GPBP1L1: variants seen among roughly 807,000 people sequenced by gnomAD.
The protein encoded by GPBP1L1 is vasculin-like protein 1.
A neutral mutation model predicts 52.5 loss-of-function variants in GPBP1L1; 23 were observed. That is an observed-to-expected ratio of 0.44 (90% CI 0.32 to 0.62). The LOEUF (loss-of-function observed/expected upper bound fraction) is 0.62. Ranked by LOEUF, GPBP1L1 falls within the 20% of genes least tolerant of loss-of-function variation. GPBP1L1 has a pLI of 0.06. For missense variants in GPBP1L1, 596 were observed against 579.3 expected, an observed-to-expected ratio of 1.03 and a Z score of -0.30; for synonymous variants, 243 against 203.1, an observed-to-expected ratio of 1.20 and a Z score of -1.67.
chr1:45,646,429 A>G (rs1478157651), intron 6 of GPBP1L1, among the ~76,000 whole-genome samples: 1 of 152,038 alleles, frequency 6.6e-6, no homozygotes, highest in Non-Finnish European at 1.5e-5. Flanking sequence ...TGGCCAAAGG[A>G]TATCTTTCTT....
At chr1:45,687,547 G>C (rs1000154561), upstream of GPBP1L1, 1 of 152,186 alleles carries the variant, frequency 6.6e-6, no homozygotes, top group Admixed American at 6.5e-5. Context: ...AAATTGCCTG[G>C]TGCCATTTCC....
At chr1:45,649,033 ATAATTTTGTGCAGGAAACAAAAGTT>A (rs2148458679) in intron 6 of GPBP1L1, among the ~76,000 whole-genome samples, 1 of 152,344 alleles carries the variant, frequency 6.6e-6, no homozygotes, top group Non-Finnish European at 1.5e-5. Context: ...TCTGTCTCAA[ATAATTTTGTGCAGGAAACAAAAGTT>A]TTCACTGCGA....
At chr1:45,655,383 A>C in intron 4 of GPBP1L1, 64 bp from the exon 5 acceptor site, 1 of 1,554,042 alleles carries the variant, frequency 6.4e-7, no homozygotes, top group Non-Finnish European at 8.8e-7. Context: ...CAATATCTTA[A>C]TAGGCTTTGC....
rs1029784737 is a variant in GPBP1L1, at chr1:45,630,352, C to T, written c.1169+130G>A. ...GCAACAGGCCAACCTGGGGCATACA[C>T]AGAGAACAAGTTATGACTGGGCCAC... On this transcript the variant is annotated intron_variant, in intron 11 of 12. Coordinates refer to ENST00000355105, the MANE Select transcript of GPBP1L1 (RefSeq NM_021639.5). 7 of 1,086,126 alleles carry T rather than the reference C, an allele frequency of 6.4e-6. No homozygotes were observed. The African/African-American group carries it at 9.4e-5, about 15-fold the overall frequency. The allele number at this position is 1,086,126 out of a possible 1,614,324, so 67.3% of individuals were successfully genotyped here. A position where few individuals can be genotyped will look rare whatever the true frequency, so the allele number is the denominator to read the frequency against.
chr1:45,665,115 C>A (rs984905789), intron 2 of GPBP1L1, among the ~76,000 whole-genome samples: 1 of 151,920 alleles, frequency 6.6e-6, no homozygotes, highest in Non-Finnish European at 1.5e-5. Flanking sequence ...ATGGTGAAAC[C>A]CCCGTCTCTA....
chr1:45,668,388 TCA>T (rs1311682372), intron 2 of GPBP1L1, among the ~76,000 whole-genome samples: 1 of 152,178 alleles, frequency 6.6e-6, no homozygotes, highest in African/African-American at 2.4e-5. Context: ...GTGCAGTGGC[TCA>T]CGCCTGTCAT....
rs6691047 is a variant in GPBP1L1, at chr1:45,634,578, T to C, written c.745-342A>G. 615 of 181,192 alleles carry C rather than the reference T, an allele frequency of 3.4e-3. 5 individuals are homozygous for C. Among genetic ancestry groups the C allele is most frequent in the African/African-American group, 0.013 (577 of 42,742 alleles). 11.2% of individuals were successfully genotyped at this position (181,192 alleles called of 1,614,324 possible). ...AAAGCACTTAACTGCACATAAGAAT[T>C]TGAGAGGCAGTTATGCAGCATTTTC... On this transcript the variant is annotated intron_variant, in intron 8 of 12. Coordinates refer to ENST00000355105, the MANE Select transcript of GPBP1L1 (RefSeq NM_021639.5).
intron 2 of GPBP1L1, among the ~76,000 whole-genome samples, chr1:45,684,255 T>C (rs111466112): frequency 0.028 from 785 of 28,166 alleles, 3 homozygotes; most frequent in Middle Eastern, 0.042. Context: ...CGAAACTCCG[T>C]CTCAAAAAAA....
rs1644863771 is a variant in GPBP1L1 at position 45,654,796 on chromosome 1, T to A, written c.224A>T (p.Asp75Val). The A allele has an allele frequency of 1.2e-6, 2 of 1,613,986 alleles. No homozygotes were observed. Among genetic ancestry groups the A allele is most frequent in the South Asian group, 2.2e-5 (2 of 91,088 alleles). ...SWHQPSLFRH[D>V]SVDSGVSKGA... The stretch of plus-strand genomic sequence containing the variant: ...CTTAGAGACACCAGAGTCCACAGAA[T>A]CATGGCGGAACAGGGAGGGCTGGTG... The change falls in exon 6 of 13, where the codon GAT (aspartate) becomes GTT (valine). Residue 75 changes from aspartate (D) to valine (V), a missense_variant. Coordinates refer to ENST00000355105, the MANE Select transcript of GPBP1L1 (RefSeq NM_021639.5).
Position 45,629,453 on chromosome 1 carries a change from A to ATCC in GPBP1L1, c.1272+120_1272+122dup. ...GCCCCACTACATTTCTACTAAGGTA[A>ATCC]TCCCCCCCCCCCCCACCCGATCTTT... On this transcript the variant is annotated intron_variant, in intron 12 of 12. Transcript: ENST00000355105. The ATCC allele has an allele frequency of 1.7e-4, 16 of 93,616 alleles. 1 individual carries two copies. The highest frequency in any genetic ancestry group is 3.6e-3 in the Middle Eastern group (1 of 274). 5.8% of individuals were successfully genotyped at this position (93,616 alleles called of 1,614,324 possible).
intron 2 of GPBP1L1, among the ~76,000 whole-genome samples, chr1:45,665,822 G>A (rs1344741921): frequency 4.8e-5 from 7 of 146,936 alleles, no homozygotes; most frequent in Admixed American, 6.9e-5. Flanking sequence ...TGTTACTTTC[G>A]ACTCTTCAAG....
In GPBP1L1 at chr1:45,683,751, CAAA is replaced by C. The variant is rs55857116; in HGVS notation, c.-1098+1822_-1098+1824del. On this transcript the variant is annotated intron_variant, in intron 2 of 12. Transcript: ENST00000355105. The stretch of plus-strand genomic sequence containing the variant: ...CCTCCCCCTCCTCTCTAATAAAATA[CAAA>C]AAAAAAAAAAAAAAAAAATTAGCTG... 5.7e-3 allele frequency among the ~76,000 whole-genome samples: 527 copies of C among 93,124 alleles called. 7 individuals carry two copies. The highest frequency in any genetic ancestry group is 0.035 in the East Asian group (106 of 3,070). 61.1% of individuals were successfully genotyped at this position (93,124 alleles called of 152,430 possible). A position where few individuals can be genotyped will look rare whatever the true frequency, so the allele number is the denominator to read the frequency against.
intron 6 of GPBP1L1, among the ~76,000 whole-genome samples, chr1:45,646,852 C>A (rs887625651): frequency 6.6e-6 from 1 of 152,068 alleles, no homozygotes; most frequent in African/African-American, 2.4e-5. Flanking sequence ...CCACCGTACC[C>A]GGCCACTTGT....
At chr1:45,664,684 T>A (rs1482082855) in intron 2 of GPBP1L1, among the ~76,000 whole-genome samples, 2 of 152,062 alleles carry the variant, frequency 1.3e-5, no homozygotes, top group Non-Finnish European at 2.9e-5. Flanking sequence ...TTTTGTTTTG[T>A]TTTGTTTTTG....
At chr1:45,675,450 A>G (rs1236822518) in intron 2 of GPBP1L1, among the ~76,000 whole-genome samples, 2 of 152,272 alleles carry the variant, frequency 1.3e-5, no homozygotes, top group South Asian at 4.1e-4. Flanking sequence ...GATTATCTCT[A>G]TCTTTTTATA....
intron 6 of GPBP1L1, chr1:45,645,921 G>A: frequency 2.0e-6 from 1 of 497,600 alleles, no homozygotes; most frequent in South Asian, 1.5e-5. Context: ...CAAATGGTTG[G>A]GATAGAAGCA....
chr1:45,669,864 T>A (rs963318754), intron 2 of GPBP1L1, among the ~76,000 whole-genome samples: 11 of 151,600 alleles, frequency 7.3e-5, no homozygotes, highest in African/African-American at 9.7e-5. Context: ...TCCATAAAAA[T>A]GAAAAACATA....
intron 2 of GPBP1L1, among the ~76,000 whole-genome samples, chr1:45,676,891 A>G (rs1373686618): frequency 6.6e-6 from 1 of 151,316 alleles, no homozygotes; most frequent in Non-Finnish European, 1.5e-5. Context: ...AACAGCAACA[A>G]CAACAACAAA....
chr1:45,630,740 C>A, intron 10 of GPBP1L1, 134 bp from the exon 11 acceptor site: 1 of 978,270 alleles, frequency 1.0e-6, no homozygotes, highest in East Asian at 2.6e-5. Context: ...ATTTTTTTCC[C>A]CATTTACAAA....
Sources: gnomAD v4.1 joint callset for allele counts (sites outside exome capture counted in the v4.1 genomes callset) on GRCh38, gnomAD v4.1.1 for gene constraint, MANE v1.5 for transcripts, NCBI Gene and HGNC (gene_info 2026-07-23, HGNC 2026-07-21) for gene names.